Variants in PSEN2 observed in about 807,000 individuals in gnomAD.
PSEN2 encodes presenilin-2.
Under a neutral mutation model 49.1 loss-of-function variants are expected in PSEN2, and 32 were observed. That is an observed-to-expected ratio of 0.65 (90% CI 0.49 to 0.88). The LOEUF is 0.88. Ranked by LOEUF, PSEN2 falls within the 40% of genes least tolerant of loss-of-function variation. The pLI, the probability that PSEN2 is intolerant of heterozygous loss-of-function variation, is 0.00. For synonymous variants in PSEN2, 255 were observed against 244.0 expected (o/e 1.05, Z -0.42); for missense variants, 522 against 586.9 (o/e 0.89, Z 1.14).
chr1:226,901,588 A>G (rs1156327211), downstream of PSEN2, among the ~76,000 whole-genome samples: 4 of 151,872 alleles, frequency 2.6e-5, no homozygotes, highest in Non-Finnish European at 4.4e-5. Context: ...AATTTTAGCT[A>G]TTCATGTGTG....
chr1:226,872,227 G>A lies in PSEN2; in HGVS notation c.-207+823G>A, dbSNP rs537128144. On this transcript the variant is annotated intron_variant, in intron 2 of 12. Coordinates refer to ENST00000366783, the MANE Select transcript of PSEN2 (RefSeq NM_000447.3). ...CTCACCGTCCCCCCAAGGGGGGTTT[G>A]CCTCTTGCCTACTTTGGCCTTTCTC... 1.2e-4 allele frequency among the ~76,000 whole-genome samples: 19 copies of A among 152,336 alleles called. No homozygotes were observed. In the East Asian group the frequency reaches 3.7e-3, roughly 29 times the overall value.
At chr1:226,886,484 C>T (rs924600393) in intron 6 of PSEN2, among the ~76,000 whole-genome samples, 2 of 152,202 alleles carry the variant, frequency 1.3e-5, no homozygotes, top group Admixed American at 1.3e-4. Context: ...TGGGCACTGC[C>T]TGTCCCCAAA....
chr1:226,899,769 A>G (rs1355529090), downstream of PSEN2, among the ~76,000 whole-genome samples: 6 of 152,116 alleles, frequency 3.9e-5, no homozygotes, highest in South Asian at 2.1e-4. Context: ...CTTTGAGATC[A>G]GTAAGTGGCT....
At chr1:226,886,032 A>G (rs1661343649) in intron 6 of PSEN2, among the ~76,000 whole-genome samples, 1 of 151,946 alleles carries the variant, frequency 6.6e-6, no homozygotes, top group African/African-American at 2.4e-5. Flanking sequence ...TACCTGGCTA[A>G]TTAAAAAATT....
intron 9 of PSEN2, chr1:226,890,416 C>A: frequency 2.4e-6 from 1 of 412,090 alleles, no homozygotes; most frequent in Non-Finnish European, 4.6e-6. Context: ...CCTGTGATCC[C>A]GCAGCCACCC....
chr1:226,878,551 A>G (rs373320393), intron 3 of PSEN2, among the ~76,000 whole-genome samples: 85 of 152,214 alleles, frequency 5.6e-4, no homozygotes, highest in African/African-American at 2.0e-3. Flanking sequence ...AGCCTAAGAA[A>G]CACAACATCC....
intron 3 of PSEN2, chr1:226,880,756 G>T: frequency 6.2e-7 from 1 of 1,612,526 alleles, no homozygotes; most frequent in East Asian, 2.2e-5. Context: ...GTACTACTGT[G>T]TGAAACCCCA....
chr1:226,899,067 G>A (rs1166267560), downstream of PSEN2: 2 of 152,154 alleles, frequency 1.3e-5, no homozygotes, highest in South Asian at 2.1e-4. Context: ...GTACATTGTG[G>A]CTTGCCTCTC....
intron 5 of PSEN2, among the ~76,000 whole-genome samples, chr1:226,885,024 G>A (rs1661262634): frequency 6.6e-6 from 1 of 152,210 alleles, no homozygotes; most frequent in South Asian, 2.1e-4. Context: ...GCAGCCAGCG[G>A]TTTGTTTGCA....
At chr1:226,883,651 G>T in intron 4 of PSEN2, 54 bp from the exon 5 acceptor site, 1 of 1,552,004 alleles carries the variant, frequency 6.4e-7, no homozygotes, top group South Asian at 1.1e-5. Flanking sequence ...TGCATTACAT[G>T]GATAGGCTGC....
At chr1:226,901,573 A>T (rs1244923352), downstream of PSEN2, among the ~76,000 whole-genome samples, 1 of 152,148 alleles carries the variant, frequency 6.6e-6, no homozygotes, top group African/African-American at 2.4e-5. Flanking sequence ...AATAAAAAAT[A>T]GTCTAATTTT....
intron 6 of PSEN2, among the ~76,000 whole-genome samples, chr1:226,886,027 G>T (rs1428507556): frequency 6.6e-6 from 1 of 151,920 alleles, no homozygotes; most frequent in Non-Finnish European, 1.5e-5. Context: ...CACCATACCT[G>T]GCTAATTAAA....
chr1:226,897,026 C>T (rs76292628), downstream of PSEN2, among the ~76,000 whole-genome samples: 987 of 152,242 alleles, frequency 6.5e-3, 35 homozygotes, highest in East Asian at 0.076. Flanking sequence ...AAATGTGGTG[C>T]CCTAAGAAGG....
At chr1:226,900,335 G>C (rs1205304701), downstream of PSEN2, among the ~76,000 whole-genome samples, 1 of 152,180 alleles carries the variant, frequency 6.6e-6, no homozygotes, top group Non-Finnish European at 1.5e-5. Context: ...GAGTGACCAA[G>C]GATGAGGTGC....
In PSEN2 at chr1:226,881,905, G is replaced by C; in HGVS notation, c.-3G>C. ...TTTTCCAGGTGCTTCCAGAGGCAGG[G>C]CTATGCTCACATTCATGGCCTCTGA... On this transcript the variant is annotated 5_prime_UTR_variant, in exon 4 of 13. Coordinates refer to ENST00000366783, the MANE Select transcript of PSEN2 (RefSeq NM_000447.3). 1 of 1,614,202 alleles carries C rather than the reference G, an allele frequency of 6.2e-7. No individual in the cohort carries two copies. Among genetic ancestry groups the C allele is most frequent in the Non-Finnish European group, 8.5e-7 (1 of 1,180,042 alleles).
At chr1:226,893,671 T>G (rs1041262057) in intron 11 of PSEN2, among the ~76,000 whole-genome samples, 2 of 152,216 alleles carry the variant, frequency 1.3e-5, no homozygotes, top group African/African-American at 4.8e-5. Context: ...CATACTAAAT[T>G]GTACAGCAGT....
chr1:226,874,758 T>C (rs887045245), intron 2 of PSEN2, among the ~76,000 whole-genome samples: 3 of 152,246 alleles, frequency 2.0e-5, no homozygotes, highest in South Asian at 2.1e-4. Flanking sequence ...TGTTCTGCTT[T>C]TTACAGCAGA....
At chr1:226,887,080 C>G (rs1661410055) in intron 6 of PSEN2, among the ~76,000 whole-genome samples, 1 of 152,138 alleles carries the variant, frequency 6.6e-6, no homozygotes, top group Admixed American at 6.5e-5. Flanking sequence ...TGCATGGGGT[C>G]AAGCTAGAAA....
At chr1:226,896,958 A>G (rs536851067), downstream of PSEN2, among the ~76,000 whole-genome samples, 1 of 152,300 alleles carries the variant, frequency 6.6e-6, no homozygotes, top group Admixed American at 6.5e-5. Context: ...AGAATTGTGT[A>G]TCTTGACATT....
Sources: allele counts gnomAD v4.1 joint callset (sites outside exome capture counted in the v4.1 genomes callset), GRCh38; gene constraint gnomAD v4.1.1; transcripts MANE v1.5; gene names NCBI Gene and HGNC (gene_info 2026-07-23, HGNC 2026-07-21).